The following OLFM3 variants were observed in gnomAD, a reference collection of about 807,000 sequenced individuals.
OLFM3 encodes the protein noelin-3.
OLFM3 carries 20 observed loss-of-function variants against 48.6 expected under a neutral mutation model. That is an observed-to-expected ratio of 0.41 (90% CI 0.29 to 0.60). The LOEUF is 0.60. Among genes scored for constraint, OLFM3 ranks in the 20% least tolerant of loss-of-function variants. The pLI, the probability that OLFM3 is intolerant of heterozygous loss-of-function variation, is 0.28. For synonymous variants in OLFM3, 222 were observed against 198.1 expected, an observed-to-expected ratio of 1.12 and a Z score of -1.01; for missense variants, 437 against 544.3, an observed-to-expected ratio of 0.80 and a Z score of 1.96.
chr1:101,954,223 A>G (rs1660224499), intron 1 of OLFM3, among the ~76,000 whole-genome samples: 1 of 152,152 alleles, frequency 6.6e-6, no homozygotes, highest in South Asian at 2.1e-4. Context: ...AAACAGAATT[A>G]TAACCCAAAA....
At chr1:101,806,753 C>A (rs938835820) in intron 4 of OLFM3, among the ~76,000 whole-genome samples, 2 of 151,658 alleles carry the variant, frequency 1.3e-5, no homozygotes, top group African/African-American at 2.4e-5. Context: ...ATGCCTTATA[C>A]AGCTAACAGG....
rs537813094 is a variant in OLFM3, at chr1:101,942,390, G to A, written c.69+54358C>T. Among the ~76,000 whole-genome samples, 108 of 152,252 alleles carry A rather than the reference G, an allele frequency of 7.1e-4. 1 individual carries two copies. Among genetic ancestry groups the A allele is most frequent in the African/African-American group, 2.6e-3 (106 of 41,540 alleles). On this transcript the variant is annotated intron_variant, in intron 1 of 5. Transcript: ENST00000370103. ...AAGCAAACTCAAGAAATTTAATTTT[G>A]TAATTGCAGTCTTATGTTTTGGGTC...
chr1:101,934,729 C>T (rs1456662312), intron 1 of OLFM3, among the ~76,000 whole-genome samples: 3 of 151,904 alleles, frequency 2.0e-5, no homozygotes, highest in Non-Finnish European at 2.9e-5. Flanking sequence ...ATAAAACAGT[C>T]CTCAGTAAAT....
At chr1:101,896,033 G>A (rs944782735) in intron 1 of OLFM3, among the ~76,000 whole-genome samples, 17 of 150,484 alleles carry the variant, frequency 1.1e-4, no homozygotes, top group Admixed American at 2.7e-4. Context: ...TGCTTATATC[G>A]ATTTATGTAA....
intron 1 of OLFM3, among the ~76,000 whole-genome samples, chr1:101,982,484 T>C (rs1010673838): frequency 6.6e-6 from 1 of 152,138 alleles, no homozygotes; most frequent in Non-Finnish European, 1.5e-5. Context: ...GTTAATTTTA[T>C]GTGTTAACTT....
Position 101,996,901 on chromosome 1 carries a change from T to G in OLFM3, c.-85A>C. 27 of 1,382,374 alleles carry G rather than the reference T, an allele frequency of 2.0e-5. No individual in the cohort carries two copies. The highest frequency in any genetic ancestry group is 2.8e-5 in the Non-Finnish European group (27 of 976,286). The allele number at this position is 1,382,374 out of a possible 1,614,324, so 85.6% of individuals were successfully genotyped here. ...GAGACCTTTCCCTCGTCAGTTGCAC[T>G]TTCTGCCTGCCAGTCAGAGCCGAGT... is the stretch of plus-strand genomic sequence containing the variant. On this transcript the variant is annotated 5_prime_UTR_variant, in exon 1 of 6. Transcript: ENST00000370103.
At position 101,856,919 on chromosome 1, in the gene OLFM3, T is replaced by C. The variant is rs142270206; in HGVS notation, c.70-19894A>G. Among the ~76,000 whole-genome samples the C allele has an allele frequency of 2.0e-4, 31 of 152,080 alleles. 2 individuals are homozygous for C. The East Asian group carries it at 5.8e-3, about 28-fold the overall frequency. On this transcript the variant is annotated intron_variant, in intron 1 of 5. Coordinates refer to ENST00000370103, the MANE Select transcript of OLFM3 (RefSeq NM_058170.4). ...AATGGAGGAGAAAAAGAAGAGGGAA[T>C]TAGTACCACATAGTGTAATGGTCAG...
chr1:101,937,542 TAAG>T (rs949854057), intron 1 of OLFM3, among the ~76,000 whole-genome samples: 2 of 152,180 alleles, frequency 1.3e-5, no homozygotes, highest in Admixed American at 6.5e-5. Context: ...GATGGTTTTA[TAAG>T]AAGGAGTTTC....
rs932086871 is a variant in OLFM3 at position 101,948,828 on chromosome 1, A to G, written c.69+47920T>C. ...AGTCTTTTCTCTTAGCAATGCTGTGACTATACATAATATTATGTATTTTTA... is the reference window on the plus strand; with the variant it reads ...AGTCTTTTCTCTTAGCAATGCTGTGGCTATACATAATATTATGTATTTTTA... On this transcript the variant is annotated intron_variant, in intron 1 of 5. Coordinates refer to ENST00000370103, the MANE Select transcript of OLFM3 (RefSeq NM_058170.4). 2.0e-5 allele frequency among the ~76,000 whole-genome samples: 3 copies of G among 148,650 alleles called. No individual in the cohort carries two copies. In the South Asian group the frequency reaches 6.2e-4, roughly 31 times the overall value.
intron 4 of OLFM3, among the ~76,000 whole-genome samples, chr1:101,811,255 GTTCT>G (rs1484335837): frequency 3.3e-5 from 5 of 151,998 alleles, no homozygotes; most frequent in African/African-American, 1.2e-4. Flanking sequence ...GCAACTTCAA[GTTCT>G]TTCTATTGTC....
At chr1:101,844,029 A>G (rs1221429623) in intron 1 of OLFM3, among the ~76,000 whole-genome samples, 5 of 152,184 alleles carry the variant, frequency 3.3e-5, no homozygotes, top group Admixed American at 1.3e-4. Context: ...CTTTACAGCA[A>G]TACCTAGTGA....
intron 1 of OLFM3, among the ~76,000 whole-genome samples, chr1:101,931,281 A>T (rs1379849334): frequency 6.6e-6 from 1 of 152,154 alleles, no homozygotes; most frequent in Non-Finnish European, 1.5e-5. Context: ...ATTACTTAGG[A>T]CATTCATATA....
chr1:101,920,871 T>G (rs1489621031), intron 1 of OLFM3, among the ~76,000 whole-genome samples: 2 of 152,242 alleles, frequency 1.3e-5, no homozygotes, highest in Admixed American at 1.3e-4. Flanking sequence ...TATATGTGTA[T>G]TGACTTTCTC....
At chr1:101,888,453 A>T (rs1036367247) in intron 1 of OLFM3, among the ~76,000 whole-genome samples, 1 of 152,210 alleles carries the variant, frequency 6.6e-6, no homozygotes, top group African/African-American at 2.4e-5. Context: ...GCATATGTAG[A>T]AAGCTGAAAC....
In OLFM3 at chr1:101,803,160, A is replaced by T. The variant is rs17125451; in HGVS notation, c.*1078T>A. ...ATCTAAATCTAGAGGACATTACAGA[A>T]TTTTTTTTTTCTAAGAGTTTTCAAA... is the stretch of plus-strand genomic sequence containing the variant. On this transcript the variant is annotated 3_prime_UTR_variant, in exon 6 of 6. Transcript: ENST00000370103. The T allele has an allele frequency of 0.019, 2,930 of 150,850 alleles. 49 individuals are homozygous for T. The highest frequency in any genetic ancestry group is 0.028 in the Non-Finnish European group (1,889 of 67,308). The allele number at this position is 150,850 out of a possible 1,614,324, so 9.3% of individuals were successfully genotyped here.
intron 1 of OLFM3, among the ~76,000 whole-genome samples, chr1:101,875,175 A>G (rs1657248929): frequency 6.6e-6 from 1 of 152,032 alleles, no homozygotes; most frequent in South Asian, 2.1e-4. Flanking sequence ...CTAGATTGGG[A>G]GGAAAAATAC....
In OLFM3 at chr1:101,803,519, A is replaced by T. The variant is rs17428761; in HGVS notation, c.*719T>A. On this transcript the variant is annotated 3_prime_UTR_variant, in exon 6 of 6. Transcript: ENST00000370103. Reference sequence around the variant, plus strand: ...TCATTTTAGTTTATAATGCTTATGTAAAGGGGTAAGCCAAGAAGATTATTC... The same window carrying T: ...TCATTTTAGTTTATAATGCTTATGTTAAGGGGTAAGCCAAGAAGATTATTC... The T allele has an allele frequency of 4.7e-3, 709 of 152,264 alleles. 2 individuals carry two copies. Among genetic ancestry groups the T allele is most frequent in the Non-Finnish European group, 7.2e-3 (490 of 67,772 alleles). The allele number at this position is 152,264 out of a possible 1,614,324, so 9.4% of individuals were successfully genotyped here.
At chr1:101,837,173 T>C in intron 1 of OLFM3, 148 bp from the exon 2 acceptor site, 1 of 752,672 alleles carries the variant, frequency 1.3e-6, no homozygotes, top group Non-Finnish European at 2.1e-6. Flanking sequence ...TATTAAACAA[T>C]TTATATAGGC....
chr1:101,892,905 T>C (rs988532053), intron 1 of OLFM3, among the ~76,000 whole-genome samples: 4 of 152,156 alleles, frequency 2.6e-5, no homozygotes, highest in African/African-American at 4.8e-5. Flanking sequence ...ATTCATACTT[T>C]GCTATAATTT....
Sources: allele counts gnomAD v4.1 joint callset (sites outside exome capture counted in the v4.1 genomes callset), GRCh38; gene constraint gnomAD v4.1.1; transcripts MANE v1.5; gene names NCBI Gene and HGNC (gene_info 2026-07-23, HGNC 2026-07-21).